Variants in BBX observed in about 807,000 individuals in gnomAD.
The protein encoded by BBX is HMG box transcription factor BBX.
BBX carries 30 observed loss-of-function variants against 100.2 expected under a neutral mutation model. The ratio of observed to expected loss-of-function variants is 0.30; its 90% confidence interval spans 0.22 to 0.41. The LOEUF is 0.41. Ranked by LOEUF, BBX falls within the 10% of genes least tolerant of loss-of-function variation. BBX has a pLI of 1.00. For synonymous variants in BBX, 376 were observed against 388.1 expected (o/e 0.97, Z 0.37); for missense variants, 1,023 against 1,129.8 (o/e 0.91, Z 1.35).
rs759740753 is a variant in BBX at position 107,772,999 on chromosome 3, G to T, written c.1278G>T (p.Lys426Asn). The T allele has an allele frequency of 6.2e-7, 1 of 1,613,966 alleles. No individual in the cohort carries two copies. Among genetic ancestry groups the T allele is most frequent in the Non-Finnish European group, 8.5e-7 (1 of 1,179,988 alleles). Residue 426 changes from lysine (K) to asparagine (N), a missense_variant, in exon 11 of 18, where the codon AAG becomes AAT. This residue lies in a region of BBX where 348 missense variants were observed against 353.2 expected (regional missense o/e 0.99). Transcript: ENST00000325805. ...KIIISDVPSR[K>N]DHMCHPHGIM... ...TAATTAGTGATGTTCCCAGTAGAAA[G>T]GATCATATGTGCCATCCTCATGGAA...
At position 107,774,786 on chromosome 3, in the gene BBX, A is replaced by G. The variant is rs1217283063; in HGVS notation, c.1983A>G (p.Thr661=). Residue 661 remains threonine, a synonymous_variant, in exon 12 of 18, where the codon ACA becomes ACG. Transcript: ENST00000325805. ...GGTGTTGGAATGAAGAAAGCTGGACATTTAGTCAGAGTGGGACCAGTGGGA... is the reference window on the plus strand; with the variant it reads ...GGTGTTGGAATGAAGAAAGCTGGACGTTTAGTCAGAGTGGGACCAGTGGGA... ...HEGCWNEESW[T]FSQSGTSGSK... 3 of 1,613,550 alleles carry G rather than the reference A, an allele frequency of 1.9e-6. No individual in the cohort carries two copies. The highest frequency in any genetic ancestry group is 2.2e-5 in the South Asian group (2 of 91,074).
rs541242073 is a variant in BBX, at chr3:107,532,441, G to A, written c.-84+6043G>A. 2.0e-5 allele frequency among the ~76,000 whole-genome samples: 3 copies of A among 152,268 alleles called. No homozygotes were observed. The East Asian group carries it at 5.8e-4, about 29-fold the overall frequency. On this transcript the variant is annotated intron_variant, in intron 2 of 17. Transcript: ENST00000325805. ...AATTGTAAATTATGGTACTTTAATTGTTCTAATTGGGGTGTTCCTCATAAA... is the reference window on the plus strand; with the variant it reads ...AATTGTAAATTATGGTACTTTAATTATTCTAATTGGGGTGTTCCTCATAAA...
intron 2 of BBX, among the ~76,000 whole-genome samples, chr3:107,549,609 A>G (rs1234652580): frequency 6.6e-6 from 1 of 152,180 alleles, no homozygotes; most frequent in East Asian, 1.9e-4. Flanking sequence ...CAGCATGAAA[A>G]GTTGTACAGA....
At chr3:107,789,679 A>G (rs964534218) in intron 13 of BBX, 108 bp from the exon 14 acceptor site, 2 of 749,266 alleles carry the variant, frequency 2.7e-6, no homozygotes, top group Non-Finnish European at 4.1e-6. Flanking sequence ...TTGAGATTCA[A>G]TTTGCTTATT....
chr3:107,756,539 CA>C (rs1377711879), intron 10 of BBX, among the ~76,000 whole-genome samples: 1 of 151,948 alleles, frequency 6.6e-6, no homozygotes, highest in African/African-American at 2.4e-5. Flanking sequence ...GCTGACCAAT[CA>C]TATTCTAAAA....
At position 107,805,948 on chromosome 3, in the gene BBX, T is replaced by A. The variant is rs2071040297; in HGVS notation, c.*491T>A. 6.4e-6 allele frequency: 1 copy of A among 155,842 alleles called. No individual in the cohort carries two copies. The highest frequency in any genetic ancestry group is 1.4e-5 in the Non-Finnish European group (1 of 70,228). 9.7% of individuals were successfully genotyped at this position (155,842 alleles called of 1,614,324 possible). On this transcript the variant is annotated 3_prime_UTR_variant, in exon 18 of 18. Transcript: ENST00000325805. ...TTTAAGTTTAAGATGGTTTATATAA[T>A]AGGTTATACCTACATTTATATTGTA...
intron 2 of BBX, among the ~76,000 whole-genome samples, chr3:107,528,173 G>T (rs890285931): frequency 1.3e-5 from 2 of 152,140 alleles, no homozygotes; most frequent in East Asian, 3.8e-4. Context: ...ACAATGAATT[G>T]CCAGTTATTG....
intron 3 of BBX, among the ~76,000 whole-genome samples, chr3:107,696,372 A>C (rs1044911563): frequency 6.6e-6 from 1 of 151,418 alleles, no homozygotes; most frequent in Non-Finnish European, 1.5e-5. Context: ...TTCCTTCAGG[A>C]GGTCTTTTAG....
intron 2 of BBX, among the ~76,000 whole-genome samples, chr3:107,606,183 C>T (rs1576470854): frequency 6.6e-6 from 1 of 152,280 alleles, no homozygotes; most frequent in East Asian, 1.9e-4. Context: ...CAAATGTTCA[C>T]ATCTTTGTTT....
chr3:107,647,933 C>G (rs2057620191), intron 3 of BBX, among the ~76,000 whole-genome samples: 1 of 152,124 alleles, frequency 6.6e-6, no homozygotes, highest in Admixed American at 6.6e-5. Context: ...CTTAACAAGG[C>G]TGCTTGGAAG....
At chr3:107,739,193 G>A (rs546365024) in intron 7 of BBX, among the ~76,000 whole-genome samples, 71 of 152,216 alleles carry the variant, frequency 4.7e-4, no homozygotes, top group Non-Finnish European at 1.5e-4. Context: ...GCTTGTTGGT[G>A]TATTTGAATT....
intron 15 of BBX, among the ~76,000 whole-genome samples, chr3:107,796,928 T>C (rs2069736854): frequency 6.6e-6 from 1 of 152,162 alleles, no homozygotes; most frequent in South Asian, 2.1e-4. Context: ...TTTGGGAGCA[T>C]TGCCAAGTAG....
chr3:107,578,052 C>G (rs1346104466), intron 2 of BBX, among the ~76,000 whole-genome samples: 3 of 152,192 alleles, frequency 2.0e-5, no homozygotes, highest in Non-Finnish European at 4.4e-5. Flanking sequence ...AGATAAAGTG[C>G]ATTTTTGCTG....
chr3:107,752,766 T>G (rs1400950368), intron 9 of BBX, among the ~76,000 whole-genome samples: 1 of 152,208 alleles, frequency 6.6e-6, no homozygotes, highest in Non-Finnish European at 1.5e-5. Context: ...CTATCCAATT[T>G]GAGGAAAATA....
At chr3:107,675,214 T>TA (rs1399411571) in intron 3 of BBX, among the ~76,000 whole-genome samples, 1 of 152,140 alleles carries the variant, frequency 6.6e-6, no homozygotes, top group Non-Finnish European at 1.5e-5. Context: ...TATCTGTCCT[T>TA]ACTCTGTGAT....
intron 12 of BBX, 28 bp from the exon 13 acceptor site, chr3:107,778,343 G>T: frequency 6.2e-7 from 1 of 1,612,098 alleles, no homozygotes; most frequent in Non-Finnish European, 8.5e-7. Context: ...GTCATGTGCT[G>T]ATTGATTCCC....
At chr3:107,595,861 G>A (rs1429151554) in intron 2 of BBX, among the ~76,000 whole-genome samples, 2 of 152,094 alleles carry the variant, frequency 1.3e-5, no homozygotes, top group Non-Finnish European at 2.9e-5. Flanking sequence ...TTTTGACTCC[G>A]CCAAAACTTA....
chr3:107,540,175 T>G (rs586203), intron 2 of BBX, among the ~76,000 whole-genome samples: 16,332 of 152,192 alleles, frequency 0.11, 991 homozygotes, highest in Non-Finnish European at 0.12. Flanking sequence ...TTTATAGACA[T>G]GAAAAGTTAA....
intron 2 of BBX, among the ~76,000 whole-genome samples, chr3:107,617,233 G>A (rs2055361105): frequency 1.3e-5 from 2 of 152,096 alleles, no homozygotes; most frequent in Non-Finnish European, 2.9e-5. Context: ...TCTCTATGCT[G>A]TTCCGTTAGT....
Sources: gnomAD v4.1 joint callset for allele counts (sites outside exome capture counted in the v4.1 genomes callset) on GRCh38, gnomAD v4.1.1 for gene constraint, gnomAD v4.1.1 regional missense constraint, MANE v1.5 for transcripts, NCBI Gene and HGNC (gene_info 2026-07-23, HGNC 2026-07-21) for gene names.